The following RP1 variants were observed in gnomAD, a reference collection of about 807,000 sequenced individuals.
RP1 encodes RP1 axonemal microtubule associated.
Under a neutral mutation model 14.8 loss-of-function variants are expected in RP1, and 16 were observed. The ratio of observed to expected loss-of-function variants is 1.08; its 90% CI spans 0.73 to 1.65. The LOEUF is 1.65. Among genes scored for constraint, RP1 ranks in the 40% most tolerant of loss-of-function variants. The pLI, the probability that RP1 is intolerant of heterozygous loss-of-function variation, is 0.00. For synonymous variants in RP1, 876 were observed against 883.6 expected, an observed-to-expected ratio of 0.99 and a Z score of 0.15; for missense variants, 2,631 against 2,535.0, an observed-to-expected ratio of 1.04 and a Z score of -0.81.
chr8:54,741,119 C>A (rs890762308), intron 19 of RP1, among the ~76,000 whole-genome samples: 1 of 151,358 alleles, frequency 6.6e-6, no homozygotes, highest in African/African-American at 2.4e-5. Context: ...GTGTTTTAAG[C>A]TAAGTGTTAT....
At chr8:54,866,829 G>A (rs1432143849) in intron 28 of RP1, among the ~76,000 whole-genome samples, 1 of 152,182 alleles carries the variant, frequency 6.6e-6, no homozygotes, top group Non-Finnish European at 1.5e-5. Context: ...AGACCTGGGT[G>A]TCAAGGTGCT....
Position 54,660,390 on chromosome 8 carries a change from G to A in RP1, c.1172-3309G>A, listed in dbSNP as rs897147912. Among the ~76,000 whole-genome samples the A allele has an allele frequency of 2.6e-5, 4 of 152,188 alleles. No homozygotes were observed. The East Asian group carries it at 7.7e-4, about 29-fold the overall frequency. ...TTTGTTGAGAGCTTTTATCAAGGAA[G>A]GATGTTGGATTATAAGAATGCTTTT... is the stretch of plus-strand genomic sequence containing the variant. On this transcript the variant is annotated intron_variant, in intron 6 of 22. Coordinates refer to the RP1 transcript ENST00000636932.
intron 1 of RP1, among the ~76,000 whole-genome samples, chr8:54,570,177 A>G (rs569978810): frequency 6.6e-6 from 1 of 152,226 alleles, no homozygotes; most frequent in East Asian, 1.9e-4. Context: ...TGGAAAACCC[A>G]ACTGCCCAGA....
intron 4 of RP1, among the ~76,000 whole-genome samples, chr8:54,651,226 A>T (rs1048509708): frequency 1.3e-5 from 2 of 152,212 alleles, no homozygotes; most frequent in African/African-American, 4.8e-5. Flanking sequence ...TTGCATCTTT[A>T]TAAGGCACAG....
At chr8:54,726,062 A>G (rs1010764543) in intron 16 of RP1, among the ~76,000 whole-genome samples, 3 of 152,160 alleles carry the variant, frequency 2.0e-5, no homozygotes, top group Admixed American at 6.5e-5. Flanking sequence ...TATAAGAAAA[A>G]CATTTTGAAT....
chr8:54,690,118 A>C (rs1231392562), intron 12 of RP1, among the ~76,000 whole-genome samples: 3 of 151,980 alleles, frequency 2.0e-5, no homozygotes, highest in African/African-American at 7.2e-5. Flanking sequence ...TGAATAGATA[A>C]AAATATAGCC....
chr8:54,840,417 T>C (rs1361145603), intron 25 of RP1, among the ~76,000 whole-genome samples: 1 of 151,994 alleles, frequency 6.6e-6, no homozygotes, highest in East Asian at 1.9e-4. Flanking sequence ...CTCACCTGGC[T>C]AATTTTTGCA....
At chr8:54,696,725 C>T (rs1807873774) in intron 12 of RP1, 1 of 724,558 alleles carries the variant, frequency 1.4e-6, no homozygotes, top group Non-Finnish European at 2.5e-6. Flanking sequence ...CACTTCAAGA[C>T]TTCGCCTAAA....
intron 6 of RP1, among the ~76,000 whole-genome samples, chr8:54,656,386 A>G (rs1390977560): frequency 6.6e-6 from 1 of 152,194 alleles, no homozygotes; most frequent in Non-Finnish European, 1.5e-5. Flanking sequence ...TAGTTGTTTC[A>G]CATGCCAGCA....
intron 1 of RP1, among the ~76,000 whole-genome samples, chr8:54,583,442 A>C (rs1051110388): frequency 8.4e-4 from 128 of 152,220 alleles, no homozygotes; most frequent in African/African-American, 3.0e-3. Context: ...GTTCATCAGG[A>C]ATATTGGTCC....
At chr8:54,618,765 C>G (rs7831624) in intron 1 of RP1, among the ~76,000 whole-genome samples, 12,284 of 152,182 alleles carry the variant, frequency 0.081, 1,546 homozygotes, top group African/African-American at 0.27. Context: ...AAGCAATTCT[C>G]CTGCCTCAGC....
intron 22 of RP1, among the ~76,000 whole-genome samples, chr8:54,767,270 G>A (rs74941742): frequency 0.038 from 5,729 of 152,134 alleles, 240 homozygotes; most frequent in African/African-American, 0.095. Flanking sequence ...AAAGATTAAG[G>A]ACATGGGGCA....
chr8:54,566,906 G>A (rs776446415), intron 1 of RP1, among the ~76,000 whole-genome samples: 1 of 152,160 alleles, frequency 6.6e-6, no homozygotes, highest in South Asian at 2.1e-4. Context: ...GGATGGTACC[G>A]AGGCCCAAGG....
At chr8:54,705,515 G>T (rs572051458) in intron 14 of RP1, among the ~76,000 whole-genome samples, 12 of 152,082 alleles carry the variant, frequency 7.9e-5, no homozygotes, top group Non-Finnish European at 1.8e-4. Context: ...CTCTCAGGAG[G>T]TCACTTAACA....
chr8:54,579,757 C>T (rs1473542618), intron 1 of RP1, among the ~76,000 whole-genome samples: 2 of 152,206 alleles, frequency 1.3e-5, no homozygotes, highest in Non-Finnish European at 2.9e-5. Flanking sequence ...CTCTCTATCC[C>T]ACTCTGTACT....
intron 6 of RP1, among the ~76,000 whole-genome samples, chr8:54,658,408 G>A (rs1806803310): frequency 1.3e-5 from 2 of 150,902 alleles, no homozygotes; most frequent in Admixed American, 1.3e-4. Context: ...AAAAATAGCC[G>A]GGCGTAGTGG....
At chr8:54,577,504 C>A (rs988132451) in intron 1 of RP1, among the ~76,000 whole-genome samples, 1 of 152,044 alleles carries the variant, frequency 6.6e-6, no homozygotes, top group African/African-American at 2.4e-5. Flanking sequence ...TACTTGTGTA[C>A]TTTTTTTGCT....
At chr8:54,582,501 C>T (rs1194844068) in intron 1 of RP1, among the ~76,000 whole-genome samples, 2 of 150,630 alleles carry the variant, frequency 1.3e-5, no homozygotes, top group East Asian at 3.9e-4. Context: ...TTTTTGGTTC[C>T]ATATGAACTT....
At chr8:54,848,895 C>G (rs931357307) in intron 25 of RP1, among the ~76,000 whole-genome samples, 2 of 152,112 alleles carry the variant, frequency 1.3e-5, no homozygotes, top group East Asian at 3.9e-4. Context: ...ATTACAGGCG[C>G]CTGCCACCAC....
Sources: gnomAD v4.1 joint callset for allele counts (sites outside exome capture counted in the v4.1 genomes callset) on GRCh38, gnomAD v4.1.1 for gene constraint, MANE v1.5 for transcripts, NCBI Gene and HGNC (gene_info 2026-07-23, HGNC 2026-07-21) for gene names.